The following M1AP variants were observed in gnomAD, a reference collection of about 807,000 sequenced individuals.
M1AP encodes meiosis 1 associated protein.
A neutral mutation model predicts 51.2 loss-of-function variants in M1AP; 39 were observed. The observed-to-expected ratio is 0.76, with a 90% CI of 0.59 to 1.00. M1AP has a LOEUF of 1.00. Among genes scored for constraint, M1AP ranks in the 50% least tolerant of loss-of-function variants. The pLI, the probability that M1AP is intolerant of heterozygous loss-of-function variation, is 0.00. For missense variants in M1AP, 545 were observed against 641.2 expected, an observed-to-expected ratio of 0.85 and a Z score of 1.62; for synonymous variants, 251 against 249.2, an observed-to-expected ratio of 1.01 and a Z score of -0.07.
intron 4 of M1AP, among the ~76,000 whole-genome samples, chr2:74,585,147 T>C (rs935911310): frequency 3.3e-5 from 5 of 152,204 alleles, no homozygotes; most frequent in Admixed American, 6.5e-5. Context: ...CCAGCCTATA[T>C]TGGCATATCT....
intron 7 of M1AP, among the ~76,000 whole-genome samples, chr2:74,562,773 G>A (rs1678114560): frequency 6.6e-6 from 1 of 152,044 alleles, no homozygotes; most frequent in African/African-American, 2.4e-5. Flanking sequence ...ACAGAGTCTT[G>A]AAGCCCATGG....
intron 2 of M1AP, among the ~76,000 whole-genome samples, chr2:74,629,216 T>C (rs766129729): frequency 1.3e-4 from 20 of 152,252 alleles, no homozygotes; most frequent in Non-Finnish European, 2.6e-4. Flanking sequence ...TAGTAAATTA[T>C]ATTAATAGAT....
At chr2:74,561,686 A>G (rs1412910756) in intron 8 of M1AP, among the ~76,000 whole-genome samples, 3 of 151,756 alleles carry the variant, frequency 2.0e-5, no homozygotes, top group East Asian at 1.9e-4. Flanking sequence ...TAACTTCACA[A>G]TCTCCTCTCT....
chr2:74,567,329 T>C (rs1246901019), intron 7 of M1AP, among the ~76,000 whole-genome samples: 1 of 152,252 alleles, frequency 6.6e-6, no homozygotes, highest in East Asian at 1.9e-4. Flanking sequence ...GGGAGCCCCA[T>C]AGCCTTTCCT....
intron 4 of M1AP, among the ~76,000 whole-genome samples, chr2:74,601,394 ATATTACATG>A (rs1338464094): frequency 6.6e-6 from 1 of 152,092 alleles, no homozygotes; most frequent in Non-Finnish European, 1.5e-5. Context: ...ATCAATAATA[ATATTACATG>A]TATATCAGTA....
At chr2:74,611,691 G>T (rs190698209) in intron 3 of M1AP, among the ~76,000 whole-genome samples, 2 of 151,422 alleles carry the variant, frequency 1.3e-5, no homozygotes, top group East Asian at 4.0e-4. Context: ...AATTAGTCAG[G>T]CGTGGTGGCG....
At chr2:74,604,980 C>T (rs1469770585) in intron 4 of M1AP, among the ~76,000 whole-genome samples, 3 of 151,826 alleles carry the variant, frequency 2.0e-5, no homozygotes, top group Admixed American at 6.6e-5. Flanking sequence ...GAGGCCGAGG[C>T]GGGTGGATCA....
At chr2:74,613,550 T>C (rs112135606) in intron 3 of M1AP, among the ~76,000 whole-genome samples, 21 of 151,652 alleles carry the variant, frequency 1.4e-4, no homozygotes, top group African/African-American at 4.6e-4. Flanking sequence ...TGAGTATTCC[T>C]TTCTGCTACA....
intron 1 of M1AP, among the ~76,000 whole-genome samples, chr2:74,647,738 A>T (rs553642072): frequency 1.3e-5 from 2 of 148,774 alleles, no homozygotes; most frequent in East Asian, 1.9e-4. Flanking sequence ...CTAAAAATAT[A>T]AAAAAATTAG....
chr2:74,594,788 G>A (rs190900114), intron 4 of M1AP, among the ~76,000 whole-genome samples: 75 of 152,196 alleles, frequency 4.9e-4, no homozygotes, highest in Non-Finnish European at 8.7e-4. Flanking sequence ...AAAGTGGGAG[G>A]ATCATCTGAG....
chr2:74,647,186 A>G (rs1433498275), intron 1 of M1AP: 1 of 979,300 alleles, frequency 1.0e-6, no homozygotes, highest in African/African-American at 1.8e-5. Context: ...CAATATCTTT[A>G]CCCTGGCCCT....
At chr2:74,620,716 G>A (rs1681957550) in intron 2 of M1AP, 3 of 215,942 alleles carry the variant, frequency 1.4e-5, no homozygotes, top group Admixed American at 8.3e-5. Context: ...CATGAGGGAA[G>A]TACAGAGTTA....
intron 7 of M1AP, among the ~76,000 whole-genome samples, chr2:74,572,112 A>C (rs1678782250): frequency 6.6e-6 from 1 of 152,224 alleles, no homozygotes; most frequent in Non-Finnish European, 1.5e-5. Context: ...CAGCAGTACA[A>C]GATGAGTAAG....
At chr2:74,608,106 T>A (rs1202317515) in intron 3 of M1AP, among the ~76,000 whole-genome samples, 1 of 152,124 alleles carries the variant, frequency 6.6e-6, no homozygotes, top group Non-Finnish European at 1.5e-5. Flanking sequence ...GTCCACAGAT[T>A]ACATTAGGGT....
At chr2:74,624,847 A>AT (rs528321655) in intron 2 of M1AP, among the ~76,000 whole-genome samples, 12 of 152,280 alleles carry the variant, frequency 7.9e-5, no homozygotes, top group Non-Finnish European at 1.6e-4. Flanking sequence ...CCAATCCCCT[A>AT]TTTACAGACA....
chr2:74,618,836 C>T (rs1462347458), intron 2 of M1AP: 1 of 438,912 alleles, frequency 2.3e-6, no homozygotes, highest in Non-Finnish European at 4.5e-6. Context: ...TCCCTCTTAT[C>T]CCATCTGGTT....
chr2:74,617,770 A>G (rs776127674), intron 2 of M1AP, among the ~76,000 whole-genome samples: 4 of 152,244 alleles, frequency 2.6e-5, no homozygotes, highest in African/African-American at 7.2e-5. Flanking sequence ...TAAAATAAGC[A>G]ATGTTCTATA....
intron 8 of M1AP, 193 bp downstream of exon 8, chr2:74,562,024 C>T (rs1185985022): frequency 1.1e-5 from 11 of 985,388 alleles, no homozygotes; most frequent in Non-Finnish European, 1.3e-5. Context: ...TCACTCCTTA[C>T]CCTGCTGCCA....
At chr2:74,614,738 G>A (rs1681563946) in intron 3 of M1AP, among the ~76,000 whole-genome samples, 1 of 152,152 alleles carries the variant, frequency 6.6e-6, no homozygotes, top group Non-Finnish European at 1.5e-5. Flanking sequence ...ATTCACTTCA[G>A]TCTGTATTTT....
Sources: allele counts gnomAD v4.1 joint callset (sites outside exome capture counted in the v4.1 genomes callset), GRCh38; gene constraint gnomAD v4.1.1; transcripts MANE v1.5; gene names NCBI Gene and HGNC (gene_info 2026-07-23, HGNC 2026-07-21).